The following PPFIA1 variants were observed in gnomAD, a reference collection of about 807,000 sequenced individuals.
PPFIA1 encodes the protein liprin-alpha-1.
Under a neutral mutation model 149.9 loss-of-function variants are expected in PPFIA1, and 25 were observed. The ratio of observed to expected loss-of-function variants is 0.17; its 90% confidence interval spans 0.12 to 0.23. PPFIA1 has a LOEUF of 0.23. Among genes scored for constraint, PPFIA1 ranks in the 10% least tolerant of loss-of-function variants. The pLI, the probability that PPFIA1 is intolerant of heterozygous loss-of-function variation, is 1.00. For synonymous variants in PPFIA1, 549 were observed against 552.8 expected (o/e 0.99, Z 0.10); for missense variants, 1,362 against 1,506.5 (o/e 0.90, Z 1.59).
At chr11:70,326,848 C>A in intron 7 of PPFIA1, 30 bp downstream of exon 7, 1 of 1,564,878 alleles carries the variant, frequency 6.4e-7, no homozygotes. Context: ...ACAGTCTTGT[C>A]ATGAAGTTGT....
At chr11:70,348,517 C>T (rs114550163) in intron 16 of PPFIA1, 97 bp downstream of exon 16, 22 of 1,018,092 alleles carry the variant, frequency 2.2e-5, no homozygotes, top group Non-Finnish European at 2.8e-5. Flanking sequence ...CAAGTACATT[C>T]GTTATTCTAA....
At chr11:70,291,137 C>T (rs113001691) in intron 2 of PPFIA1, among the ~76,000 whole-genome samples, 3,380 of 152,238 alleles carry the variant, frequency 0.022, 136 homozygotes, top group African/African-American at 0.078. Flanking sequence ...CACCAGCTCC[C>T]GGCCTCCCAA....
chr11:70,347,759 T>A (rs1169505956), intron 15 of PPFIA1, among the ~76,000 whole-genome samples: 2 of 151,812 alleles, frequency 1.3e-5, no homozygotes, highest in African/African-American at 2.4e-5. Context: ...ATCCCACTAC[T>A]TTGGGAGGCC....
chr11:70,344,112 T>G (rs2055529086), intron 15 of PPFIA1, among the ~76,000 whole-genome samples: 1 of 152,248 alleles, frequency 6.6e-6, no homozygotes, highest in South Asian at 2.1e-4. Flanking sequence ...ACGGCACTAG[T>G]ACCTTTCTGT....
At chr11:70,276,569 T>C (rs906136546) in intron 2 of PPFIA1, among the ~76,000 whole-genome samples, 21 of 152,338 alleles carry the variant, frequency 1.4e-4, no homozygotes, top group Admixed American at 1.2e-3. Context: ...TCCTTCTTTT[T>C]CTACTCCCTA....
chr11:70,382,653 C>T (rs193000064), intron 27 of PPFIA1, among the ~76,000 whole-genome samples: 3 of 152,206 alleles, frequency 2.0e-5, no homozygotes, highest in African/African-American at 7.2e-5. Context: ...GAGACTGGTT[C>T]TTAAAACTGC....
intron 19 of PPFIA1, 107 bp from the exon 20 acceptor site, chr11:70,361,988 T>C: frequency 1.0e-6 from 1 of 995,298 alleles, no homozygotes; most frequent in South Asian, 1.4e-5. Flanking sequence ...CTTGAACTCC[T>C]GGGCTCAAGT....
At position 70,272,441 on chromosome 11, in the gene PPFIA1, G is replaced by A. The variant is rs1258116159; in HGVS notation, c.264+5G>A. The stretch of plus-strand genomic sequence containing the variant: ...CTCAACACGGCACTTCCACAGGTAT[G>A]AGTGCTTTTAACCTGAAACTATAGA... On this transcript the variant is annotated splice_donor_5th_base_variant and intron_variant, in intron 2 of 27. Coordinates refer to ENST00000253925, the MANE Select transcript of PPFIA1 (RefSeq NM_003626.5). The A allele has an allele frequency of 6.3e-7, 1 of 1,597,242 alleles. No individual in the cohort carries two copies. Among genetic ancestry groups the A allele is most frequent in the Non-Finnish European group, 8.5e-7 (1 of 1,171,130 alleles).
At chr11:70,373,623 G>A (rs2057365183) in intron 23 of PPFIA1, 1 of 152,194 alleles carries the variant, frequency 6.6e-6, no homozygotes, top group South Asian at 2.1e-4. Context: ...TAACAATAAT[G>A]ATAAGAAGAG....
intron 2 of PPFIA1, among the ~76,000 whole-genome samples, chr11:70,295,010 C>T (rs527544951): frequency 3.3e-4 from 51 of 152,330 alleles, no homozygotes; most frequent in African/African-American, 1.0e-3. Flanking sequence ...CGCCTTTCCC[C>T]GCTTTCTATT....
At chr11:70,334,269 T>C (rs1173215119) in intron 10 of PPFIA1, 1 of 152,266 alleles carries the variant, frequency 6.6e-6, no homozygotes, top group Admixed American at 6.5e-5. Flanking sequence ...AAAGGAAGCA[T>C]GCAGCGTCTA....
intron 15 of PPFIA1, chr11:70,345,898 T>C (rs764352802): frequency 1.2e-5 from 4 of 343,188 alleles, no homozygotes; most frequent in South Asian, 6.2e-5. Context: ...TCAGGTCCCG[T>C]CACACAGTGG....
At chr11:70,302,334 G>A (rs1368642117) in intron 2 of PPFIA1, among the ~76,000 whole-genome samples, 1 of 152,182 alleles carries the variant, frequency 6.6e-6, no homozygotes. Flanking sequence ...GGAGAAGGGT[G>A]GCTGACCAGG....
chr11:70,304,722 A>G (rs1374384366), intron 2 of PPFIA1, among the ~76,000 whole-genome samples: 1 of 152,146 alleles, frequency 6.6e-6, no homozygotes, highest in Non-Finnish European at 1.5e-5. Context: ...GCAGAATTGC[A>G]TGGAATTAGA....
rs2057193847 is a variant in PPFIA1 at position 70,370,779 on chromosome 11, ATTGTT to A, written c.2866-1433_2866-1429del. ...TTGTCGTGATTTTTGCTCTCACGGTATTGTTTTAACTGTTTCCCACAATTTTTGAA... is the reference window on the plus strand; with the variant it reads ...TTGTCGTGATTTTTGCTCTCACGGTATTAACTGTTTCCCACAATTTTTGAA... On this transcript the variant is annotated intron_variant, in intron 21 of 27. Transcript: ENST00000253925. Among the ~76,000 whole-genome samples, 3 of 152,080 alleles carry A rather than the reference ATTGTT, an allele frequency of 2.0e-5. No individual in the cohort carries two copies. The South Asian group carries it at 6.2e-4, about 32-fold the overall frequency.
At chr11:70,295,535 C>T (rs1192724368) in intron 2 of PPFIA1, among the ~76,000 whole-genome samples, 45 of 118,942 alleles carry the variant, frequency 3.8e-4, no homozygotes, top group Middle Eastern at 6.2e-3. Context: ...CCCTCCCGGA[C>T]GGGGCGGCTG....
chr11:70,277,061 T>TATA (rs397734412), intron 2 of PPFIA1, among the ~76,000 whole-genome samples: 232 of 14,632 alleles, frequency 0.016, 1 homozygote, highest in Middle Eastern at 0.045. Flanking sequence ...TATATATATA[T>TATA]TTTTTTTTTT....
intron 2 of PPFIA1, among the ~76,000 whole-genome samples, chr11:70,302,645 A>G (rs1277804128): frequency 6.6e-6 from 1 of 152,166 alleles, no homozygotes; most frequent in Non-Finnish European, 1.5e-5. Context: ...TAACAAGTCC[A>G]TTTATATTTA....
intron 19 of PPFIA1, among the ~76,000 whole-genome samples, chr11:70,361,466 T>C (rs1040036071): frequency 3.9e-5 from 6 of 152,198 alleles, no homozygotes; most frequent in African/African-American, 9.7e-5. Flanking sequence ...ATTTTTGATC[T>C]GCAGTTGGTT....
Sources: allele counts gnomAD v4.1 joint callset (sites outside exome capture counted in the v4.1 genomes callset), GRCh38; gene constraint gnomAD v4.1.1; transcripts MANE v1.5; gene names NCBI Gene and HGNC (gene_info 2026-07-23, HGNC 2026-07-21).